Variants in BMPR1B observed in about 807,000 individuals in gnomAD.
The protein encoded by BMPR1B is bone morphogenetic protein receptor type 1B, also known as bone morphogenetic protein receptor type-1B.
In BMPR1B, 12 loss-of-function variants were observed where a neutral mutation model predicts 59.1. The ratio of observed to expected loss-of-function variants is 0.20; its 90% confidence interval spans 0.13 to 0.33. The LOEUF is 0.33. Among genes scored for constraint, BMPR1B ranks in the 10% least tolerant of loss-of-function variants. BMPR1B has a pLI of 1.00. For synonymous variants in BMPR1B, 237 were observed against 207.3 expected, an observed-to-expected ratio of 1.14 and a Z score of -1.23; for missense variants, 550 against 610.9, an observed-to-expected ratio of 0.90 and a Z score of 1.05.
chr4:95,062,466 A>C (rs562840386), intron 3 of BMPR1B, among the ~76,000 whole-genome samples: 169 of 152,344 alleles, frequency 1.1e-3, no homozygotes, highest in Non-Finnish European at 2.0e-3. Flanking sequence ...AGAAGGGGAC[A>C]AAGTAGAGGA....
chr4:94,861,611 A>G (rs891009184), intron 1 of BMPR1B, among the ~76,000 whole-genome samples: 15 of 152,154 alleles, frequency 9.9e-5, no homozygotes, highest in Admixed American at 5.9e-4. Flanking sequence ...CCCTGAACAC[A>G]CAAAACATAT....
At chr4:95,148,318 A>G (rs1017941618) in intron 10 of BMPR1B, among the ~76,000 whole-genome samples, 1 of 152,172 alleles carries the variant, frequency 6.6e-6, no homozygotes, top group African/African-American at 2.4e-5. Flanking sequence ...TATTTAATAT[A>G]TATTTAGCAG....
At chr4:94,783,297 C>G (rs1722648790) in intron 1 of BMPR1B, among the ~76,000 whole-genome samples, 1 of 152,142 alleles carries the variant, frequency 6.6e-6, no homozygotes, top group Non-Finnish European at 1.5e-5. Context: ...TGTTCTGATT[C>G]CAGGAGGACT....
chr4:94,908,927 A>G (rs141962723), intron 2 of BMPR1B, among the ~76,000 whole-genome samples: 1 of 152,012 alleles, frequency 6.6e-6, no homozygotes, highest in Non-Finnish European at 1.5e-5. Context: ...AACAGAAAAT[A>G]ATTTTCCTCA....
intron 2 of BMPR1B, among the ~76,000 whole-genome samples, chr4:94,917,157 T>C (rs1030978994): frequency 6.6e-6 from 1 of 152,242 alleles, no homozygotes; most frequent in Non-Finnish European, 1.5e-5. Flanking sequence ...AGAGGCCTGC[T>C]ACAGGGGTGG....
chr4:94,919,668 C>T (rs1239384304), intron 2 of BMPR1B, among the ~76,000 whole-genome samples: 2 of 152,252 alleles, frequency 1.3e-5, no homozygotes, highest in Non-Finnish European at 2.9e-5. Flanking sequence ...AAGGAGCAGG[C>T]CTTCTTTCTT....
chr4:95,028,950 G>T (rs1250521268), intron 3 of BMPR1B, among the ~76,000 whole-genome samples: 3 of 151,904 alleles, frequency 2.0e-5, no homozygotes, highest in African/African-American at 7.2e-5. Flanking sequence ...TTTATATACA[G>T]ATTTATCAAC....
chr4:94,984,968 A>G (rs1182420059), intron 2 of BMPR1B, among the ~76,000 whole-genome samples: 1 of 152,198 alleles, frequency 6.6e-6, no homozygotes, highest in African/African-American at 2.4e-5. Flanking sequence ...CTTAAATGTT[A>G]CTGTATAGAA....
chr4:94,890,757 C>T (rs1017423894), intron 2 of BMPR1B, among the ~76,000 whole-genome samples: 2 of 152,008 alleles, frequency 1.3e-5, no homozygotes, highest in Non-Finnish European at 2.9e-5. Flanking sequence ...AGTGCATGCT[C>T]TCTGGTGGCT....
chr4:95,070,113 AAAACAAACAAAC>A (rs547378084), intron 3 of BMPR1B, among the ~76,000 whole-genome samples: 3 of 152,104 alleles, frequency 2.0e-5, no homozygotes, highest in Admixed American at 6.6e-5. Context: ...GTCACAAAAC[AAAACAAACAAAC>A]AAACAAACAA....
chr4:94,846,258 C>G (rs1443721648), intron 1 of BMPR1B, among the ~76,000 whole-genome samples: 1 of 152,118 alleles, frequency 6.6e-6, no homozygotes, highest in African/African-American at 2.4e-5. Flanking sequence ...CTGGATATCT[C>G]TATGCAGAAG....
chr4:94,945,762 A>AT (rs1261379774), intron 2 of BMPR1B, among the ~76,000 whole-genome samples: 1 of 152,210 alleles, frequency 6.6e-6, no homozygotes, highest in Admixed American at 6.5e-5. Flanking sequence ...TATAAGTTAT[A>AT]TTTTTGTGTA....
intron 3 of BMPR1B, among the ~76,000 whole-genome samples, chr4:95,088,062 G>A (rs1729720807): frequency 1.3e-5 from 2 of 152,212 alleles, no homozygotes; most frequent in African/African-American, 2.4e-5. Context: ...CTTCCCTGAT[G>A]TCCCATATTG....
chr4:94,840,493 C>G (rs796086800), intron 1 of BMPR1B, among the ~76,000 whole-genome samples: 35 of 145,748 alleles, frequency 2.4e-4, no homozygotes, highest in Non-Finnish European at 3.5e-4. Context: ...AACTTCCCTT[C>G]TCGCTTCATT....
chr4:94,802,337 C>T (rs1240699425), intron 1 of BMPR1B, among the ~76,000 whole-genome samples: 2 of 152,170 alleles, frequency 1.3e-5, no homozygotes, highest in Non-Finnish European at 2.9e-5. Context: ...CTTCCACATC[C>T]ACCGGGAGCT....
intron 3 of BMPR1B, among the ~76,000 whole-genome samples, chr4:95,073,147 CTT>C (rs1728445873): frequency 1.3e-5 from 2 of 152,124 alleles, no homozygotes. Context: ...AGTTTTCCCT[CTT>C]TTACAGATTT....
intron 2 of BMPR1B, among the ~76,000 whole-genome samples, chr4:94,945,441 TTTG>T (rs1039569817): frequency 1.3e-5 from 2 of 152,268 alleles, no homozygotes; most frequent in Non-Finnish European, 2.9e-5. Flanking sequence ...CTACTTCTTT[TTTG>T]TTGTTGTTGT....
intron 1 of BMPR1B, among the ~76,000 whole-genome samples, chr4:94,818,847 A>G (rs1724103458): frequency 6.6e-6 from 1 of 152,146 alleles, no homozygotes; most frequent in African/African-American, 2.4e-5. Flanking sequence ...ATTTTCTCTT[A>G]TAGGCTAGGT....
intron 1 of BMPR1B, among the ~76,000 whole-genome samples, chr4:94,821,426 A>G (rs1392230833): frequency 6.6e-6 from 1 of 152,156 alleles, no homozygotes; most frequent in Non-Finnish European, 1.5e-5. Context: ...ATATATAGAT[A>G]TGATATATGC....
Sources: allele counts gnomAD v4.1 joint callset (sites outside exome capture counted in the v4.1 genomes callset), GRCh38; gene constraint gnomAD v4.1.1; transcripts MANE v1.5; gene names NCBI Gene and HGNC (gene_info 2026-07-23, HGNC 2026-07-21).